Variants in ELMO2 observed in about 807,000 individuals in gnomAD.
The protein encoded by ELMO2 is engulfment and cell motility 2, also known as engulfment and cell motility protein 2.
A neutral mutation model predicts 96.2 loss-of-function variants in ELMO2; 37 were observed. The ratio of observed to expected loss-of-function variants is 0.38; its 90% CI spans 0.30 to 0.51. The LOEUF (loss-of-function observed/expected upper bound fraction) is 0.51, where lower values mean the gene tolerates loss of function less well. ELMO2 is among the 20% of genes least tolerant of loss of function. The pLI, the probability that ELMO2 is intolerant of heterozygous loss-of-function variation, is 0.88. For synonymous variants in ELMO2, 315 were observed against 329.4 expected (o/e 0.96, Z 0.47); for missense variants, 561 against 912.6 (o/e 0.61, Z 4.96).
At chr20:46,378,434 T>A (rs903484126) in intron 11 of ELMO2, among the ~76,000 whole-genome samples, 2 of 152,218 alleles carry the variant, frequency 1.3e-5, no homozygotes, top group Admixed American at 6.5e-5. Context: ...GTCTCAAACA[T>A]AATTAAATTT....
rs1197636459 is a variant in ELMO2, at chr20:46,393,414, T to C, written c.192+115A>G. On this transcript the variant is annotated intron_variant, in intron 5 of 21. Transcript: ENST00000290246. Reference sequence around the variant, plus strand: ...TCCCAGTCTGTCCGGAGAGTGACTCTTTACCCAACACATGGAAGCTACCTG... The same window carrying C: ...TCCCAGTCTGTCCGGAGAGTGACTCCTTACCCAACACATGGAAGCTACCTG... The C allele has an allele frequency of 4.2e-6, 5 of 1,193,704 alleles. 1 individual carries two copies. The African/African-American group carries it at 7.6e-5, about 18-fold the overall frequency. 73.9% of individuals were successfully genotyped at this position (1,193,704 alleles called of 1,614,324 possible).
chr20:46,391,942 T>A (rs2060157560), intron 6 of ELMO2, among the ~76,000 whole-genome samples: 1 of 152,212 alleles, frequency 6.6e-6, no homozygotes, highest in Non-Finnish European at 1.5e-5. Context: ...ACCTTCTCTG[T>A]GTTTTCTTTT....
At position 46,371,844 on chromosome 20, in the gene ELMO2, C is replaced by T. The variant is rs2059720500; in HGVS notation, c.1542G>A (p.Glu514=). Reference sequence around the variant, plus strand: ...ACTGGAAGTCATCCTGACTCATCCTCTCAGACTGGCGCAGTCGTAGAATCT... The same window carrying T: ...ACTGGAAGTCATCCTGACTCATCCTTTCAGACTGGCGCAGTCGTAGAATCT... ...YSEILRLRQS[E]RMSQDDFQSP... Residue 514 remains glutamate (E), a synonymous_variant, in exon 17 of 22, where the codon GAG becomes GAA. Coordinates refer to ENST00000290246, the MANE Select transcript of ELMO2 (RefSeq NM_133171.5). This position sits in a 1 kb window ranked among gnomAD's most constrained non-coding sequence, Gnocchi z 5.9. 1 of 1,614,234 alleles carries T rather than the reference C, an allele frequency of 6.2e-7. No individual in the cohort carries two copies. Among genetic ancestry groups the T allele is most frequent in the Non-Finnish European group, 8.5e-7 (1 of 1,180,032 alleles).
rs753388413 is a variant in ELMO2, at chr20:46,389,209, T to G, written c.255A>C (p.Ala85=). 8 of 1,613,840 alleles carry G rather than the reference T, an allele frequency of 5.0e-6. No individual in the cohort carries two copies. Among genetic ancestry groups the G allele is most frequent in the Non-Finnish European group, 6.8e-6 (8 of 1,179,922 alleles). ...LQLAISPSRA[A]RQLMERTQSS... is the part of the protein sequence containing the mutation. ...ACTGGGTCCTCTCCATCAGCTGGCG[T>G]GCAGCCCGGGACTAGGAGGCCAGGG... Residue 85 remains alanine, a synonymous_variant, in exon 7 of 22, where the codon GCA becomes GCC. Coordinates refer to ENST00000290246, the MANE Select transcript of ELMO2 (RefSeq NM_133171.5).
In ELMO2 at chr20:46,371,715, G is replaced by A; in HGVS notation, c.1581-24C>T. 3 of 1,613,806 alleles carry A rather than the reference G, an allele frequency of 1.9e-6. No homozygotes were observed. The highest frequency in any genetic ancestry group is 2.5e-6 in the Non-Finnish European group (3 of 1,179,938). ...CCCTGGGGTGGACACACACTGGAGT[G>A]AGCGGAAGGTCATGGGGACAGTGGA... On this transcript the variant is annotated intron_variant, in intron 17 of 21. Coordinates refer to ENST00000290246, the MANE Select transcript of ELMO2 (RefSeq NM_133171.5). This position sits in a 1 kb window ranked among gnomAD's most constrained non-coding sequence, Gnocchi z 5.9.
At position 46,375,299 on chromosome 20, in the gene ELMO2, A is replaced by G. The variant is rs2059835645; in HGVS notation, c.1002T>C (p.Pro334=). ...FDAESDPSNA[P]GSGTEKRKAM... The stretch of plus-strand genomic sequence containing the variant: ...CTTTGCGTTTTTCGGTCCCACTCCC[A>G]GGGGCATTGCTAGGATCAGACTCTG... Residue 334 remains proline, a synonymous_variant, in exon 13 of 22, where the codon CCT becomes CCC. Coordinates refer to ENST00000290246, the MANE Select transcript of ELMO2 (RefSeq NM_133171.5). This position sits in a 1 kb window ranked among gnomAD's most constrained non-coding sequence, Gnocchi z 4.6. The G allele has an allele frequency of 1.9e-6, 3 of 1,614,186 alleles. No homozygotes were observed. Among genetic ancestry groups the G allele is most frequent in the South Asian group, 1.1e-5 (1 of 91,084 alleles).
rs575255605 is a variant in ELMO2, at chr20:46,371,953, C to T, written c.1433G>A (p.Arg478Gln). 5.6e-6 allele frequency: 9 copies of T among 1,613,922 alleles called. No homozygotes were observed. The highest frequency in any genetic ancestry group is 3.3e-5 in the South Asian group (3 of 91,068). ...GGGCAAAGCTCGAGTGATTTGCTCT[C>T]GGACGACTTGCATAACCTAAGAGGA... ...EDFNKVMQVV[R>Q]EQITRALPSK... Residue 478 changes from arginine (R) to glutamine (Q), a missense_variant, in exon 17 of 22, where the codon CGA (arginine) becomes CAA (glutamine). Arg to Gln is a conservative substitution (Grantham distance 43). Transcript: ENST00000290246. The surrounding 1 kb of genome is among the most constrained non-coding windows in gnomAD (Gnocchi z 5.9).
At chr20:46,395,454 C>A (rs1343299879) in intron 2 of ELMO2, among the ~76,000 whole-genome samples, 1 of 152,118 alleles carries the variant, frequency 6.6e-6, no homozygotes. Context: ...TCAGGAGAGG[C>A]CCCTCTCTTA....
chr20:46,376,170 G>A (rs564562081), intron 11 of ELMO2, among the ~76,000 whole-genome samples: 2 of 152,324 alleles, frequency 1.3e-5, no homozygotes, highest in East Asian at 3.9e-4. Context: ...ACAATAGATG[G>A]TGTGCATGGA....
intron 11 of ELMO2, chr20:46,376,979 G>A (rs750629216): frequency 3.1e-5 from 12 of 381,026 alleles, no homozygotes; most frequent in South Asian, 1.1e-4. Context: ...ATGCAGATAC[G>A]GAACACTTCC....
chr20:46,373,097 A>G (rs907172093), intron 16 of ELMO2: 25 of 327,862 alleles, frequency 7.6e-5, no homozygotes, highest in Non-Finnish European at 1.4e-4. Context: ...TAAGCACTCA[A>G]TAAACCACAG....
Position 46,370,505 on chromosome 20 carries a change from C to A in ELMO2, c.1822G>T (p.Ala608Ser). The change falls in exon 20 of 22, where the codon GCC (alanine) becomes TCC (serine). Residue 608 changes from alanine (A) to serine (S), a missense_variant. By Grantham distance (99) the Ala-to-Ser change is moderately conservative (BLOSUM62 1). Transcript: ENST00000290246. ...QEKIPVADIKAIVTGKDCPHM... is the reference protein window; with the variant it reads ...QEKIPVADIKSIVTGKDCPHM... ...GGACAATCTTTCCCAGTGACAATGG[C>A]CTTAATGTCTGCAACAGGAACTGAT... 6.2e-7 allele frequency: 1 copy of A among 1,614,142 alleles called. No homozygotes were observed.
At chr20:46,370,091 AT>A in intron 20 of ELMO2, 1 of 398,414 alleles carries the variant, frequency 2.5e-6, no homozygotes, top group Non-Finnish European at 4.8e-6. Context: ...GGAATATTTG[AT>A]CTGAAATAAC....
intron 1 of ELMO2, among the ~76,000 whole-genome samples, chr20:46,400,849 A>C (rs1275821276): frequency 6.6e-6 from 1 of 152,182 alleles, no homozygotes; most frequent in Non-Finnish European, 1.5e-5. Context: ...AGCCCCATGG[A>C]GCTTTATCAA....
chr20:46,385,562 G>T (rs1327454394), intron 9 of ELMO2, among the ~76,000 whole-genome samples: 1 of 152,238 alleles, frequency 6.6e-6, no homozygotes, highest in Non-Finnish European at 1.5e-5. Flanking sequence ...GCTGATGGCA[G>T]AGACCTAGTA....
rs2059691618 is a variant in ELMO2 at position 46,371,031 on chromosome 20, A to G, written c.1801+321T>C. Among the ~76,000 whole-genome samples the G allele has an allele frequency of 6.6e-6, 1 of 152,190 alleles. No individual in the cohort carries two copies. The highest frequency in any genetic ancestry group is 1.5e-5 in the Non-Finnish European group (1 of 68,028). On this transcript the variant is annotated intron_variant, in intron 19 of 21. Coordinates refer to ENST00000290246, the MANE Select transcript of ELMO2 (RefSeq NM_133171.5). The surrounding 1 kb of genome is among the most constrained non-coding windows in gnomAD (Gnocchi z 5.9). The stretch of plus-strand genomic sequence containing the variant: ...AGGGGAGAACTTGCAATTAATTAGA[A>G]TTCAAGTTAATTAGGAGCAAAGCCA...
chr20:46,375,896 T>C lies in ELMO2; in HGVS notation c.808-106A>G. 6.9e-7 allele frequency: 1 copy of C among 1,458,828 alleles called. No individual in the cohort carries two copies. Among genetic ancestry groups the C allele is most frequent in the Non-Finnish European group, 9.3e-7 (1 of 1,073,002 alleles). The allele number at this position is 1,458,828 out of a possible 1,614,324, so 90.4% of individuals were successfully genotyped here. ...ATGTATGTTGGGAAGGGAACAGAGC[T>C]TTCCTCCCACACACGAGGACTTCAT... On this transcript the variant is annotated intron_variant, in intron 11 of 21. Transcript: ENST00000290246. The surrounding 1 kb of genome is among the most constrained non-coding windows in gnomAD (Gnocchi z 4.6).
chr20:46,390,850 C>G (rs2060138811), intron 6 of ELMO2: 1 of 152,206 alleles, frequency 6.6e-6, no homozygotes, highest in Non-Finnish European at 1.5e-5. Flanking sequence ...CAAAGCTGGC[C>G]CTTCAAAGCA....
Position 46,375,883 on chromosome 20 carries a change from A to C in ELMO2, c.808-93T>G, listed in dbSNP as rs2059850976. 6.5e-7 allele frequency: 1 copy of C among 1,527,972 alleles called. No individual in the cohort carries two copies. Among genetic ancestry groups the C allele is most frequent in the African/African-American group, 1.4e-5 (1 of 73,072 alleles). The allele number at this position is 1,527,972 out of a possible 1,614,324, so 94.7% of individuals were successfully genotyped here. On this transcript the variant is annotated intron_variant, in intron 11 of 21. Transcript: ENST00000290246. This position sits in a 1 kb window ranked among gnomAD's most constrained non-coding sequence, Gnocchi z 4.6. Reference sequence around the variant, plus strand: ...CTAAGGAAAAGGAATGTATGTTGGGAAGGGAACAGAGCTTTCCTCCCACAC... The same window carrying C: ...CTAAGGAAAAGGAATGTATGTTGGGCAGGGAACAGAGCTTTCCTCCCACAC...
Sources: allele counts gnomAD v4.1 joint callset (sites outside exome capture counted in the v4.1 genomes callset), GRCh38; gene constraint gnomAD v4.1.1; non-coding constraint Gnocchi (gnomAD v3.1); transcripts MANE v1.5; gene names NCBI Gene and HGNC (gene_info 2026-07-23, HGNC 2026-07-21).